The following EFCAB5 variants were observed in gnomAD, a reference collection of about 807,000 sequenced individuals.
EFCAB5 encodes EF-hand calcium binding domain 5, also known as EF-hand calcium-binding domain-containing protein 5.
A neutral mutation model predicts 167.9 loss-of-function variants in EFCAB5; 131 were observed. The ratio of observed to expected loss-of-function variants is 0.78; its 90% CI spans 0.68 to 0.90. The LOEUF is 0.90. Among genes scored for constraint, EFCAB5 ranks in the 40% least tolerant of loss-of-function variants. The pLI, the probability that EFCAB5 is intolerant of heterozygous loss-of-function variation, is 0.00. For missense variants in EFCAB5, 1,663 were observed against 1,745.2 expected, an observed-to-expected ratio of 0.95 and a Z score of 0.84; for synonymous variants, 574 against 602.8, an observed-to-expected ratio of 0.95 and a Z score of 0.70.
intron 8 of EFCAB5, among the ~76,000 whole-genome samples, chr17:30,049,779 G>T (rs1248863939): frequency 6.6e-6 from 1 of 152,118 alleles, no homozygotes; most frequent in African/African-American, 2.4e-5. Flanking sequence ...AATGTAAATT[G>T]GTATGAACAT....
At chr17:29,954,570 T>C (rs924794478) in intron 3 of EFCAB5, among the ~76,000 whole-genome samples, 2 of 152,206 alleles carry the variant, frequency 1.3e-5, no homozygotes, top group Admixed American at 1.3e-4. Context: ...AACTCCTGGA[T>C]GTCCAGGGAG....
chr17:29,983,925 A>C (rs1007965094), intron 4 of EFCAB5, among the ~76,000 whole-genome samples: 6 of 152,012 alleles, frequency 3.9e-5, no homozygotes, highest in African/African-American at 1.5e-4. Context: ...GAGGGAGAAA[A>C]ATATTTCAAG....
In EFCAB5 at chr17:30,010,789, T is replaced by C. The variant is rs1233173147; in HGVS notation, c.1044+10813T>C. ...ACTTTGATGGTAGTTTCTCTGGCTG[T>C]GCAGAAGCTCTTTAGTTTAATTAGA... On this transcript the variant is annotated intron_variant, in intron 7 of 22. Transcript: ENST00000394835. Among the ~76,000 whole-genome samples the C allele has an allele frequency of 4.6e-5, 7 of 152,246 alleles. No homozygotes were observed. In the South Asian group the frequency reaches 1.4e-3, roughly 31 times the overall value.
intron 8 of EFCAB5, among the ~76,000 whole-genome samples, chr17:30,044,614 A>AG (rs2069867564): frequency 6.6e-6 from 1 of 152,190 alleles, no homozygotes; most frequent in African/African-American, 2.4e-5. Context: ...ATAATTAAAA[A>AG]GAAAAAAACA....
chr17:30,069,434 T>C, intron 14 of EFCAB5: 1 of 1,545,254 alleles, frequency 6.5e-7, no homozygotes, highest in South Asian at 1.1e-5. Flanking sequence ...TCAAGAGATA[T>C]TCACGGAAAA....
At chr17:30,044,708 AAC>A (rs1294867138) in intron 8 of EFCAB5, among the ~76,000 whole-genome samples, 4 of 152,358 alleles carry the variant, frequency 2.6e-5, no homozygotes, top group African/African-American at 9.6e-5. Flanking sequence ...CCACTTCAAA[AAC>A]AGTTTGACAA....
chr17:30,009,928 A>T (rs887128737), intron 7 of EFCAB5, among the ~76,000 whole-genome samples: 1 of 152,064 alleles, frequency 6.6e-6, no homozygotes. Context: ...CGTCATTTGC[A>T]TTAGGTATTT....
rs1396688341 is a variant in EFCAB5, at chr17:30,053,792, T to C, written c.1838T>C (p.Ile613Thr). Residue 613 changes from isoleucine (I) to threonine (T), a missense_variant, in exon 10 of 23, where the codon ATT (isoleucine) becomes ACT (threonine). Physicochemically the swap from Ile to Thr is moderately conservative, Grantham distance 89. Transcript: ENST00000394835. ...VAEQGSRRES[I>T]AEQDRHKGSV... is the part of the protein sequence containing the mutation. The stretch of plus-strand genomic sequence containing the variant: ...GAACAAGGGTCACGCAGAGAGTCTA[T>C]TGCAGAACAAGATCGACACAAAGGG... 3.1e-6 allele frequency: 5 copies of C among 1,613,716 alleles called. No homozygotes were observed. The highest frequency in any genetic ancestry group is 2.2e-5 in the East Asian group (1 of 44,892).
chr17:30,093,136 A>G (rs1013196295), intron 22 of EFCAB5, among the ~76,000 whole-genome samples, 200 bp downstream of exon 22: 10 of 152,348 alleles, frequency 6.6e-5, no homozygotes, highest in Non-Finnish European at 1.3e-4. Context: ...TTGAGAATTC[A>G]AAAGCACATC....
intron 19 of EFCAB5, among the ~76,000 whole-genome samples, chr17:30,088,964 A>C (rs1423942447): frequency 6.6e-6 from 1 of 151,906 alleles, no homozygotes; most frequent in Non-Finnish European, 1.5e-5. Context: ...ATTATACTTT[A>C]AGTTCTAGGG....
At chr17:30,069,530 A>G in intron 14 of EFCAB5, 2 of 1,611,470 alleles carry the variant, frequency 1.2e-6, no homozygotes, top group East Asian at 2.2e-5. Context: ...CAACGAAGAC[A>G]TAAGAGAGGC....
intron 6 of EFCAB5, among the ~76,000 whole-genome samples, chr17:29,998,440 G>A (rs572737452): frequency 6.6e-6 from 1 of 152,080 alleles, no homozygotes; most frequent in Non-Finnish European, 1.5e-5. Context: ...CCCTCACTTA[G>A]TTCCAGATAC....
chr17:30,032,903 T>G (rs2069515332), intron 7 of EFCAB5, among the ~76,000 whole-genome samples: 1 of 152,228 alleles, frequency 6.6e-6, no homozygotes, highest in African/African-American at 2.4e-5. Flanking sequence ...CCCACTCAGA[T>G]TAACTGGCTG....
intron 3 of EFCAB5, among the ~76,000 whole-genome samples, chr17:29,954,174 G>A (rs1427706903): frequency 1.3e-5 from 2 of 152,178 alleles, no homozygotes; most frequent in Non-Finnish European, 2.9e-5. Flanking sequence ...ATTTTCTGGG[G>A]AGAAATTCAA....
At chr17:30,012,959 T>C (rs1332242077) in intron 7 of EFCAB5, among the ~76,000 whole-genome samples, 1 of 152,340 alleles carries the variant, frequency 6.6e-6, no homozygotes, top group Non-Finnish European at 1.5e-5. Context: ...ATAGCTCTTA[T>C]TATTTTGAGA....
chr17:30,048,302 T>C (rs915800853), intron 8 of EFCAB5, among the ~76,000 whole-genome samples: 12 of 151,780 alleles, frequency 7.9e-5, no homozygotes, highest in African/African-American at 2.9e-4. Flanking sequence ...CCTGGTATTA[T>C]GGTAACAGAA....
At chr17:30,044,203 TTATCAGATAAATAATCATCAA>T (rs1567735650) in intron 8 of EFCAB5, among the ~76,000 whole-genome samples, 1 of 152,126 alleles carries the variant, frequency 6.6e-6, no homozygotes, top group Non-Finnish European at 1.5e-5. Flanking sequence ...GATCAATTAT[TTATCAGATAAATAATCATCAA>T]TTTTTCATGC....
At chr17:30,099,283 C>A (rs1413346570) in intron 22 of EFCAB5, among the ~76,000 whole-genome samples, 6 of 151,610 alleles carry the variant, frequency 4.0e-5, no homozygotes, top group Non-Finnish European at 5.9e-5. Flanking sequence ...CCTGTCCCCA[C>A]AAAAAAAATG....
At chr17:29,983,282 C>T (rs73265736) in intron 4 of EFCAB5, among the ~76,000 whole-genome samples, 11,621 of 152,292 alleles carry the variant, frequency 0.076, 936 homozygotes, top group African/African-American at 0.21. Context: ...ATCCAGCAGG[C>T]GAGCCCATGC....
Sources: allele counts gnomAD v4.1 joint callset (sites outside exome capture counted in the v4.1 genomes callset), GRCh38; gene constraint gnomAD v4.1.1; transcripts MANE v1.5; gene names NCBI Gene and HGNC (gene_info 2026-07-23, HGNC 2026-07-21).